COL22A1: variants seen among roughly 807,000 people sequenced by gnomAD.
COL22A1 encodes collagen type XXII alpha 1 chain.
A neutral mutation model predicts 248.9 loss-of-function variants in COL22A1; 221 were observed. The ratio of observed to expected loss-of-function variants is 0.89; its 90% CI spans 0.80 to 0.99. The LOEUF (loss-of-function observed/expected upper bound fraction) is 0.99. Ranked by LOEUF, COL22A1 falls within the 50% of genes least tolerant of loss-of-function variation. COL22A1 has a pLI of 0.00. For synonymous variants in COL22A1, 891 were observed against 793.4 expected (o/e 1.12, Z -2.07); for missense variants, 2,240 against 2,179.0 (o/e 1.03, Z -0.56).
chr8:138,614,660 G>A (rs1819169078), intron 55 of COL22A1, among the ~76,000 whole-genome samples: 1 of 152,120 alleles, frequency 6.6e-6, no homozygotes, highest in Non-Finnish European at 1.5e-5. Flanking sequence ...TGAAGTGCAG[G>A]GGGAGGGGAT....
chr8:138,814,061 C>G (rs1439524089), intron 7 of COL22A1, among the ~76,000 whole-genome samples: 1 of 152,248 alleles, frequency 6.6e-6, no homozygotes, highest in Non-Finnish European at 1.5e-5. Flanking sequence ...TTCACACACA[C>G]ACAGTCTACA....
chr8:138,642,377 G>T (rs1307336291), intron 47 of COL22A1, among the ~76,000 whole-genome samples: 1 of 152,148 alleles, frequency 6.6e-6, no homozygotes, highest in African/African-American at 2.4e-5. Context: ...CCTGCTCCTT[G>T]GAACACTGAG....
At chr8:138,784,672 G>C (rs557384770) in intron 12 of COL22A1, among the ~76,000 whole-genome samples, 1 of 152,126 alleles carries the variant, frequency 6.6e-6, no homozygotes, top group Non-Finnish European at 1.5e-5. Context: ...ATGTTGCTGA[G>C]GATAGTTTAT....
intron 4 of COL22A1, among the ~76,000 whole-genome samples, chr8:138,841,942 C>T (rs1313242269): frequency 2.0e-5 from 3 of 152,138 alleles, no homozygotes; most frequent in Non-Finnish European, 1.5e-5. Context: ...AAGAGAGTAA[C>T]TTTTGATGGT....
intron 23 of COL22A1, 32 bp from the exon 24 acceptor site, chr8:138,725,472 A>G: frequency 6.3e-7 from 1 of 1,590,418 alleles, no homozygotes; most frequent in Non-Finnish European, 8.6e-7. Context: ...TGGGCTACAG[A>G]TGGGTCCTGA....
intron 49 of COL22A1, among the ~76,000 whole-genome samples, chr8:138,634,711 T>C (rs1350758117): frequency 1.3e-5 from 2 of 152,188 alleles, no homozygotes; most frequent in East Asian, 1.9e-4. Flanking sequence ...CTTGAAATAC[T>C]AGCTTCCTAC....
chr8:138,799,936 C>T (rs1816859439), intron 11 of COL22A1, among the ~76,000 whole-genome samples: 1 of 152,208 alleles, frequency 6.6e-6, no homozygotes, highest in African/African-American at 2.4e-5. Context: ...GTACCACACT[C>T]CTCTTAATTT....
At chr8:138,833,304 A>T (rs1265510852) in intron 4 of COL22A1, among the ~76,000 whole-genome samples, 154 bp from the exon 5 acceptor site, 1 of 152,216 alleles carries the variant, frequency 6.6e-6, no homozygotes, top group Admixed American at 6.5e-5. Flanking sequence ...TCAGGGAGAA[A>T]ACACAAGCAC....
intron 32 of COL22A1, among the ~76,000 whole-genome samples, chr8:138,697,165 G>T (rs1458832224): frequency 1.3e-5 from 2 of 152,094 alleles, no homozygotes; most frequent in South Asian, 4.1e-4. Flanking sequence ...CCCTCCAGGG[G>T]CCCCCTGGAA....
At chr8:138,777,698 T>A (rs776065471) in intron 15 of COL22A1, among the ~76,000 whole-genome samples, 1 of 152,224 alleles carries the variant, frequency 6.6e-6, no homozygotes, top group Non-Finnish European at 1.5e-5. Context: ...GGACAAGGAC[T>A]TATCCATTTT....
At chr8:138,733,977 C>T (rs1361376167) in intron 23 of COL22A1, among the ~76,000 whole-genome samples, 2 of 152,174 alleles carry the variant, frequency 1.3e-5, no homozygotes, top group African/African-American at 2.4e-5. Flanking sequence ...TGAGAAACCA[C>T]CTGTACAGCT....
At chr8:138,626,375 T>C (rs949340124) in intron 50 of COL22A1, 132 bp from the exon 51 acceptor site, 1 of 763,282 alleles carries the variant, frequency 1.3e-6, no homozygotes, top group Non-Finnish European at 2.2e-6. Flanking sequence ...TGCTTCTGTA[T>C]CAGCCTCATG....
At chr8:138,751,312 T>G in intron 22 of COL22A1, 146 bp downstream of exon 22, 1 of 588,354 alleles carries the variant, frequency 1.7e-6, no homozygotes, top group Non-Finnish European at 3.0e-6. Flanking sequence ...CCATGTTTGA[T>G]GAACTGAATC....
intron 46 of COL22A1, 148 bp downstream of exon 46, chr8:138,649,517 A>G: frequency 2.2e-6 from 3 of 1,340,324 alleles, no homozygotes; most frequent in Non-Finnish European, 3.0e-6. Flanking sequence ...CCATAGCTGT[A>G]TCTCACAACC....
intron 1 of COL22A1, among the ~76,000 whole-genome samples, chr8:138,905,253 C>T (rs1290000883): frequency 6.6e-6 from 1 of 152,188 alleles, no homozygotes; most frequent in African/African-American, 2.4e-5. Context: ...TACCCCAACA[C>T]CCTCCATTAG....
Position 138,877,790 on chromosome 8 carries a change from G to A in COL22A1, c.618C>T (p.Ile206=), listed in dbSNP as rs529463718. 8 of 1,606,626 alleles carry A rather than the reference G, an allele frequency of 5.0e-6. No homozygotes were observed. The South Asian group carries it at 8.9e-5, about 18-fold the overall frequency. The part of the protein sequence containing the change: ...HVFHVSDFNA[I]DKIRGKLRRR... ...GCCGCAGCTTGCCCCGGATCTTGTC[G>A]ATGGCATTGAAGTCGGACACGTGGA... The change falls in exon 3 of 65, where the codon ATC becomes ATT. Residue 206 remains isoleucine, a synonymous_variant. Coordinates refer to ENST00000303045, the MANE Select transcript of COL22A1 (RefSeq NM_152888.3).
chr8:138,812,385 C>A (rs768037304), intron 8 of COL22A1, among the ~76,000 whole-genome samples: 1 of 152,152 alleles, frequency 6.6e-6, no homozygotes, highest in Non-Finnish European at 1.5e-5. Context: ...CCCTGCAGCC[C>A]GGGAAGCAGG....
intron 11 of COL22A1, among the ~76,000 whole-genome samples, chr8:138,797,158 T>C (rs1226366799): frequency 6.6e-6 from 1 of 152,220 alleles, no homozygotes; most frequent in African/African-American, 2.4e-5. Context: ...AATTCAATGA[T>C]TTTTAGTATA....
At chr8:138,757,897 G>A (rs530566436) in intron 18 of COL22A1, among the ~76,000 whole-genome samples, 81 of 152,272 alleles carry the variant, frequency 5.3e-4, no homozygotes, top group African/African-American at 1.9e-3. Flanking sequence ...ACGGTCCCCC[G>A]TAGTCCCTGC....
Sources: allele counts gnomAD v4.1 joint callset (sites outside exome capture counted in the v4.1 genomes callset), GRCh38; gene constraint gnomAD v4.1.1; transcripts MANE v1.5; gene names NCBI Gene and HGNC (gene_info 2026-07-23, HGNC 2026-07-21).